TENM2: variants seen among roughly 807,000 people sequenced by gnomAD.
TENM2 encodes the protein teneurin transmembrane protein 2.
Under a neutral mutation model 245.2 loss-of-function variants are expected in TENM2, and 52 were observed. The ratio of observed to expected loss-of-function variants is 0.21; its 90% CI spans 0.17 to 0.27. The LOEUF (loss-of-function observed/expected upper bound fraction) is 0.27. Ranked by LOEUF, TENM2 falls within the 10% of genes least tolerant of loss-of-function variation. TENM2 has a pLI of 1.00. For synonymous variants in TENM2, 1,363 were observed against 1,438.9 expected (o/e 0.95, Z 1.19); for missense variants, 3,046 against 3,666.8 (o/e 0.83, Z 4.37).
intron 2 of TENM2, among the ~76,000 whole-genome samples, chr5:167,639,178 T>C (rs1284816920): frequency 6.6e-6 from 1 of 152,242 alleles, no homozygotes; most frequent in Non-Finnish European, 1.5e-5. Flanking sequence ...CCCATGTTTA[T>C]AATACTTAGT....
At chr5:167,316,773 G>A (rs183583272) in intron 1 of TENM2, among the ~76,000 whole-genome samples, 15 of 152,218 alleles carry the variant, frequency 9.9e-5, no homozygotes, top group African/African-American at 3.6e-4. Context: ...AGAATTTCTT[G>A]AGACATTGCA....
At chr5:167,319,276 G>A (rs1188714954) in intron 1 of TENM2, among the ~76,000 whole-genome samples, 1 of 152,142 alleles carries the variant, frequency 6.6e-6, no homozygotes, top group African/African-American at 2.4e-5. Flanking sequence ...CCTTGAGCAA[G>A]TGAATACATT....
At chr5:167,007,596 G>A in the TENM2 span, among the ~76,000 whole-genome samples, 1 of 152,058 alleles carries the variant, frequency 6.6e-6, no homozygotes, top group African/African-American at 2.4e-5. The surrounding 1 kb of genome is among the most constrained non-coding windows in gnomAD (Gnocchi z 4.2). Flanking sequence ...CTTTATTGTA[G>A]GCTTGAACAC....
chr5:167,208,131 T>G, the TENM2 span, among the ~76,000 whole-genome samples: 2 of 152,176 alleles, frequency 1.3e-5, no homozygotes, highest in Non-Finnish European at 2.9e-5. Context: ...TGTAATCAAC[T>G]TACGTGAGAG....
At chr5:167,512,583 C>T (rs1770043605) in intron 2 of TENM2, among the ~76,000 whole-genome samples, 1 of 152,110 alleles carries the variant, frequency 6.6e-6, no homozygotes, top group Non-Finnish European at 1.5e-5. Flanking sequence ...GGAATAGCAT[C>T]TTTTGTATGT....
chr5:167,031,314 A>C, the TENM2 span, among the ~76,000 whole-genome samples: 1 of 152,194 alleles, frequency 6.6e-6, no homozygotes, highest in East Asian at 1.9e-4. Context: ...GCTACAGAGA[A>C]TTTTAATGTT....
At chr5:167,274,076 A>G in the TENM2 span, among the ~76,000 whole-genome samples, 3,349 of 152,196 alleles carry the variant, frequency 0.022, 130 homozygotes, top group African/African-American at 0.076. Flanking sequence ...ACTGACACTG[A>G]TACAGCCAAG....
the TENM2 span, among the ~76,000 whole-genome samples, chr5:167,251,806 C>T: frequency 6.6e-6 from 1 of 152,074 alleles, no homozygotes; most frequent in Non-Finnish European, 1.5e-5. Context: ...TTTAGTTTTA[C>T]TTTGGGCATA....
intron 2 of TENM2, among the ~76,000 whole-genome samples, chr5:167,454,510 C>T (rs561911839): frequency 6.6e-6 from 1 of 151,582 alleles, no homozygotes; most frequent in African/African-American, 2.4e-5. Context: ...CTGTATTTCT[C>T]ATCTCTGTGT....
chr5:167,115,190 C>CG, the TENM2 span, among the ~76,000 whole-genome samples: 2 of 152,048 alleles, frequency 1.3e-5, no homozygotes, highest in Non-Finnish European at 2.9e-5. Context: ...AAGGAGACTC[C>CG]GAAGAAGTTA....
intron 1 of TENM2, among the ~76,000 whole-genome samples, chr5:167,372,151 C>T (rs13355851): frequency 6.6e-6 from 1 of 151,988 alleles, no homozygotes; most frequent in Non-Finnish European, 1.5e-5. Context: ...TGTAAACATA[C>T]TCATTTAGCT....
the TENM2 span, among the ~76,000 whole-genome samples, chr5:167,007,737 A>T: frequency 6.6e-6 from 1 of 152,306 alleles, no homozygotes; most frequent in Admixed American, 6.5e-5. The surrounding 1 kb of genome is among the most constrained non-coding windows in gnomAD (Gnocchi z 4.2). Context: ...AGCTAAATGT[A>T]TGTATCGAAT....
intron 2 of TENM2, among the ~76,000 whole-genome samples, chr5:167,590,181 A>AT (rs1213162880): frequency 2.7e-4 from 41 of 151,846 alleles, no homozygotes; most frequent in African/African-American, 9.9e-4. Context: ...CATAGCCAAT[A>AT]TTTTTTCCAA....
intron 2 of TENM2, among the ~76,000 whole-genome samples, chr5:167,463,184 C>T (rs1302905695): frequency 1.3e-5 from 2 of 152,026 alleles, no homozygotes; most frequent in Admixed American, 1.3e-4. Context: ...AAACAGTGAA[C>T]AATAATTCTG....
intron 2 of TENM2, among the ~76,000 whole-genome samples, chr5:167,407,786 C>T (rs556230219): frequency 1.3e-5 from 2 of 152,234 alleles, no homozygotes; most frequent in African/African-American, 4.8e-5. Context: ...CAGTGTACTC[C>T]AGCCTGGGCA....
chr5:167,209,052 G>A, the TENM2 span, among the ~76,000 whole-genome samples: 363 of 152,216 alleles, frequency 2.4e-3, 1 homozygote, highest in Admixed American at 6.9e-3. Flanking sequence ...GTAACTACAC[G>A]TATTTCTTTC....
At chr5:167,733,294 G>A (rs755004446) in intron 2 of TENM2, among the ~76,000 whole-genome samples, 4 of 152,154 alleles carry the variant, frequency 2.6e-5, no homozygotes, top group African/African-American at 7.2e-5. Context: ...TCAGTGCTGT[G>A]TCAGTAAATG....
At chr5:167,302,920 G>A (rs1328075675) in intron 1 of TENM2, among the ~76,000 whole-genome samples, 3 of 152,152 alleles carry the variant, frequency 2.0e-5, no homozygotes, top group Admixed American at 6.5e-5. Context: ...AACACCAAGG[G>A]AAGGCTGCCT....
intron 2 of TENM2, among the ~76,000 whole-genome samples, chr5:167,453,384 T>A (rs768824366): frequency 7.2e-5 from 11 of 152,112 alleles, no homozygotes; most frequent in Non-Finnish European, 1.3e-4. Context: ...TGGTTAAGCA[T>A]GCCCAGTCAC....
Sources: gnomAD v4.1 joint callset for allele counts (sites outside exome capture counted in the v4.1 genomes callset) on GRCh38, gnomAD v4.1.1 for gene constraint, Gnocchi (gnomAD v3.1) non-coding constraint, MANE v1.5 for transcripts, NCBI Gene and HGNC (gene_info 2026-07-23, HGNC 2026-07-21) for gene names.